Variants in NMU observed in about 807,000 individuals in gnomAD.
The protein encoded by NMU is neuromedin U, also known as neuromedin-U.
NMU carries 29 observed loss-of-function variants against 35.4 expected under a neutral mutation model. The observed-to-expected ratio is 0.82, with a 90% CI of 0.61 to 1.12. The LOEUF is 1.12. NMU is among the 50% of genes most tolerant of loss of function. NMU has a pLI of 0.00. For missense variants in NMU, 199 were observed against 206.2 expected, an observed-to-expected ratio of 0.97 and a Z score of 0.21; for synonymous variants, 78 against 81.3, an observed-to-expected ratio of 0.96 and a Z score of 0.22.
At chr4:55,626,568 G>C (rs532065983) in intron 2 of NMU, among the ~76,000 whole-genome samples, 4 of 152,172 alleles carry the variant, frequency 2.6e-5, no homozygotes. Context: ...TTAGCCGGCC[G>C]TGGTGGCACG....
At chr4:55,605,100 C>A (rs897387645) in intron 7 of NMU, among the ~76,000 whole-genome samples, 175 bp downstream of exon 7, 1 of 152,066 alleles carries the variant, frequency 6.6e-6, no homozygotes, top group Admixed American at 6.6e-5. Context: ...CATGGAAGGG[C>A]GGCTTGAACA....
chr4:55,618,329 C>T (rs1008071034), intron 2 of NMU, among the ~76,000 whole-genome samples: 10 of 152,160 alleles, frequency 6.6e-5, no homozygotes, highest in African/African-American at 2.4e-4. Context: ...TTTTAAGCCC[C>T]GCATGCATTA....
At chr4:55,632,536 A>G (rs1357585644) in intron 1 of NMU, among the ~76,000 whole-genome samples, 2 of 152,104 alleles carry the variant, frequency 1.3e-5, no homozygotes, top group Admixed American at 6.5e-5. Flanking sequence ...ACACTTCTCA[A>G]TTATATATTT....
intron 7 of NMU, among the ~76,000 whole-genome samples, chr4:55,600,897 C>A (rs958954657): frequency 1.3e-5 from 2 of 152,074 alleles, no homozygotes; most frequent in African/African-American, 4.8e-5. Flanking sequence ...TATTTAAAAT[C>A]TCCTTTCAGC....
intron 9 of NMU, among the ~76,000 whole-genome samples, 200 bp from the exon 10 acceptor site, chr4:55,595,611 A>G (rs1191821903): frequency 8.6e-6 from 1 of 116,598 alleles, no homozygotes; most frequent in African/African-American, 3.1e-5. Flanking sequence ...AAATATATAT[A>G]TGTGTGTGTG....
intron 1 of NMU, among the ~76,000 whole-genome samples, chr4:55,631,596 G>T (rs1560527617): frequency 1.3e-5 from 2 of 152,136 alleles, no homozygotes; most frequent in South Asian, 4.1e-4. Flanking sequence ...TCAGGGAAAT[G>T]CAAATTAAAA....
chr4:55,633,915 T>C (rs1271637053), intron 1 of NMU, among the ~76,000 whole-genome samples: 1 of 152,240 alleles, frequency 6.6e-6, no homozygotes, highest in East Asian at 1.9e-4. Flanking sequence ...AATGTGTTCC[T>C]CTTATAGGAA....
chr4:55,636,275 GCCTCGGGGCCCGGACACAGGA>G lies in NMU; in HGVS notation c.-104_-84del. 7.1e-7 allele frequency: 1 copy of G among 1,400,208 alleles called. No homozygotes were observed. Among genetic ancestry groups the G allele is most frequent in the Non-Finnish European group, 9.2e-7 (1 of 1,086,774 alleles). 86.7% of individuals were successfully genotyped at this position (1,400,208 alleles called of 1,614,324 possible). A position where few individuals can be genotyped will look rare whatever the true frequency, so the allele number is the denominator to read the frequency against. On this transcript the variant is annotated 5_prime_UTR_variant, in exon 1 of 10. Transcript: ENST00000264218. The surrounding 1 kb of genome is among the most constrained non-coding windows in gnomAD (Gnocchi z 4.0). ...GTGCTCCACCTGGTGCCCTGGCTGT[GCCTCGGGGCCCGGACACAGGA>G]CTGAGCGCCCGGCGAGCCGCCAACT...
At position 55,630,390 on chromosome 4, in the gene NMU, A is replaced by G. The variant is rs772665789; in HGVS notation, c.171+12T>C. On this transcript the variant is annotated intron_variant, in intron 2 of 9. Coordinates refer to ENST00000264218, the MANE Select transcript of NMU (RefSeq NM_006681.4). ...AAAGTTTCTACAAATTTGTGTGATG[A>G]TAGTTCCTTACCTCATTCCACAACT... 4 of 1,598,078 alleles carry G rather than the reference A, an allele frequency of 2.5e-6. No individual in the cohort carries two copies. The highest frequency in any genetic ancestry group is 1.7e-4 in the Middle Eastern group (1 of 6,008).
intron 1 of NMU, among the ~76,000 whole-genome samples, chr4:55,630,687 A>G (rs1311861394): frequency 6.6e-6 from 1 of 152,210 alleles, no homozygotes; most frequent in Non-Finnish European, 1.5e-5. Flanking sequence ...TTATGTCTAC[A>G]GACAAATAGA....
rs775998372 is a variant in NMU at position 55,600,581 on chromosome 4, A to C, written c.436-6T>G. The C allele has an allele frequency of 6.2e-7, 1 of 1,602,074 alleles. No individual in the cohort carries two copies. The highest frequency in any genetic ancestry group is 1.7e-5 in the Admixed American group (1 of 59,988). On this transcript the variant is annotated splice_region_variant and splice_polypyrimidine_tract_variant and intron_variant, in intron 7 of 9. Transcript: ENST00000264218. ...AAGGGACTTTGGAATTCTTCCTAGAAGAGAAAATGAGGGCATTACAAATCA... is the reference window on the plus strand; with the variant it reads ...AAGGGACTTTGGAATTCTTCCTAGACGAGAAAATGAGGGCATTACAAATCA...
intron 6 of NMU, among the ~76,000 whole-genome samples, chr4:55,606,106 C>T (rs1733673063): frequency 6.6e-6 from 1 of 152,136 alleles, no homozygotes; most frequent in South Asian, 2.1e-4. Context: ...TGGTTTAAAG[C>T]CAGTATAATC....
At chr4:55,598,443 G>A (rs1159929336) in intron 9 of NMU, among the ~76,000 whole-genome samples, 2 of 152,130 alleles carry the variant, frequency 1.3e-5, no homozygotes, top group Non-Finnish European at 2.9e-5. Flanking sequence ...AAACTTAATA[G>A]AATACACTTT....
chr4:55,609,819 C>T (rs1009146388), intron 3 of NMU, among the ~76,000 whole-genome samples: 1 of 152,084 alleles, frequency 6.6e-6, no homozygotes, highest in African/African-American at 2.4e-5. Flanking sequence ...CAAGCAGGGG[C>T]GAAACCTGCT....
At chr4:55,597,889 C>G (rs1708510574) in intron 9 of NMU, among the ~76,000 whole-genome samples, 2 of 151,770 alleles carry the variant, frequency 1.3e-5, no homozygotes, top group African/African-American at 4.8e-5. Context: ...TTGTACTTTT[C>G]TATATTTATG....
intron 9 of NMU, among the ~76,000 whole-genome samples, chr4:55,597,443 A>T (rs149642376): frequency 0.022 from 3,374 of 151,674 alleles, 64 homozygotes; most frequent in Non-Finnish European, 0.035. Flanking sequence ...GTCTTGGCTC[A>T]CTGCAACCTC....
At chr4:55,605,233 C>T (rs758152290) in intron 7 of NMU, 42 bp downstream of exon 7, 1 of 1,345,798 alleles carries the variant, frequency 7.4e-7, no homozygotes, top group South Asian at 1.2e-5. Context: ...AGGGCTGCCC[C>T]ACACGGAATG....
At chr4:55,602,302 A>G (rs894155938) in intron 7 of NMU, among the ~76,000 whole-genome samples, 6 of 152,244 alleles carry the variant, frequency 3.9e-5, no homozygotes, top group African/African-American at 1.4e-4. Context: ...TCACTATCAA[A>G]GATATATTTT....
intron 1 of NMU, among the ~76,000 whole-genome samples, chr4:55,633,782 A>G (rs1715746363): frequency 6.6e-6 from 1 of 152,236 alleles, no homozygotes. Context: ...CCAAGTGAAC[A>G]TTAAGAATTA....
Sources: allele counts gnomAD v4.1 joint callset (sites outside exome capture counted in the v4.1 genomes callset), GRCh38; gene constraint gnomAD v4.1.1; non-coding constraint Gnocchi (gnomAD v3.1); transcripts MANE v1.5; gene names NCBI Gene and HGNC (gene_info 2026-07-23, HGNC 2026-07-21).